The following NFAM1 variants were observed in gnomAD, a reference collection of about 807,000 sequenced individuals.
The protein encoded by NFAM1 is NFAT activation molecule 1.
NFAM1 carries 17 observed loss-of-function variants against 29.0 expected under a neutral mutation model. That is an observed-to-expected ratio of 0.59 (90% confidence interval 0.40 to 0.88). The LOEUF is 0.88. Among genes scored for constraint, NFAM1 ranks in the 40% least tolerant of loss-of-function variants. NFAM1 has a pLI of 0.00. For missense variants in NFAM1, 324 were observed against 344.6 expected (o/e 0.94, Z 0.47); for synonymous variants, 175 against 147.2 (o/e 1.19, Z -1.36).
At chr22:42,414,679 C>A (rs574502054) in intron 1 of NFAM1, among the ~76,000 whole-genome samples, 11 of 152,046 alleles carry the variant, frequency 7.2e-5, no homozygotes, top group African/African-American at 9.6e-5. Flanking sequence ...GCCACTGCCC[C>A]CTCTGTGTAC....
Position 42,385,027 on chromosome 22 carries a change from G to T in NFAM1, c.*134C>A. On this transcript the variant is annotated 3_prime_UTR_variant, in exon 6 of 6. Coordinates refer to ENST00000329021, the MANE Select transcript of NFAM1 (RefSeq NM_145912.8). ...GCAGTGGGGCCGGCCAAGACAGGAAGGGCCTTGAATGTGAGGGTGAAATGA... is the reference window on the plus strand; with the variant it reads ...GCAGTGGGGCCGGCCAAGACAGGAATGGCCTTGAATGTGAGGGTGAAATGA... The T allele has an allele frequency of 1.3e-6, 1 of 745,940 alleles. No individual in the cohort carries two copies. Among genetic ancestry groups the T allele is most frequent in the Non-Finnish European group, 2.4e-6 (1 of 411,700 alleles). 46.2% of individuals were successfully genotyped at this position (745,940 alleles called of 1,614,324 possible). A position where few individuals can be genotyped will look rare whatever the true frequency, so the allele number is the denominator to read the frequency against.
chr22:42,387,098 A>G lies in NFAM1; in HGVS notation c.664-20T>C. On this transcript the variant is annotated intron_variant, in intron 4 of 5. Transcript: ENST00000329021. Reference sequence around the variant, plus strand: ...CAGAGCCTACAGGAAACGGGGTGCCAGGATCAGGGGCAAGTGTGTAGAGGG... The same window carrying G: ...CAGAGCCTACAGGAAACGGGGTGCCGGGATCAGGGGCAAGTGTGTAGAGGG... The G allele has an allele frequency of 3.4e-6, 5 of 1,474,134 alleles. No individual in the cohort carries two copies. Among genetic ancestry groups the G allele is most frequent in the Non-Finnish European group, 4.7e-6 (5 of 1,072,006 alleles). The allele number at this position is 1,474,134 out of a possible 1,614,324, so 91.3% of individuals were successfully genotyped here. A position where few individuals can be genotyped will look rare whatever the true frequency, so the allele number is the denominator to read the frequency against.
intron 1 of NFAM1, among the ~76,000 whole-genome samples, chr22:42,421,964 A>G (rs535884597): frequency 9.2e-5 from 14 of 152,362 alleles, no homozygotes; most frequent in Admixed American, 3.9e-4. Flanking sequence ...ATCAAATGCA[A>G]AAGCGTGTGG....
At chr22:42,414,780 G>A (rs1032920081) in intron 1 of NFAM1, among the ~76,000 whole-genome samples, 1 of 152,022 alleles carries the variant, frequency 6.6e-6, no homozygotes. Context: ...GCCACTCCAG[G>A]GGGAGGGCAG....
At chr22:42,395,291 TGGCA>T (rs1929482745) in intron 4 of NFAM1, among the ~76,000 whole-genome samples, 1 of 151,462 alleles carries the variant, frequency 6.6e-6, no homozygotes, top group Non-Finnish European at 1.5e-5. Flanking sequence ...CTGGCCAACA[TGGCA>T]AAACCCCATT....
At position 42,421,883 on chromosome 22, in the gene NFAM1, C is replaced by G. The variant is rs1247981124; in HGVS notation, c.122-10147G>C. Among the ~76,000 whole-genome samples the G allele has an allele frequency of 6.1e-5, 4 of 65,322 alleles. No homozygotes were observed. In the East Asian group the frequency reaches 1.2e-3, roughly 19 times the overall value. The allele number at this position is 65,322 out of a possible 152,430, so 42.9% of individuals were successfully genotyped here. On this transcript the variant is annotated intron_variant, in intron 1 of 5. Transcript: ENST00000329021. Reference sequence around the variant, plus strand: ...TCTGAAAGGCTGCGATCGGGGCTCTCAGAGCCCCAGCCATGTGCCTGAGCA... The same window carrying G: ...TCTGAAAGGCTGCGATCGGGGCTCTGAGAGCCCCAGCCATGTGCCTGAGCA...
chr22:42,382,435 G>A lies in NFAM1; in HGVS notation c.*2726C>T, dbSNP rs1370840518. 4 of 152,154 alleles carry A rather than the reference G, an allele frequency of 2.6e-5. No homozygotes were observed. The highest frequency in any genetic ancestry group is 9.7e-5 in the African/African-American group (4 of 41,412). The allele number at this position is 152,154 out of a possible 1,614,324, so 9.4% of individuals were successfully genotyped here. On this transcript the variant is annotated 3_prime_UTR_variant, in exon 6 of 6. Transcript: ENST00000329021. ...CAAGTCCACAAGGCTGTGGGAGGTG[G>A]AGCAGGGATTCAAGGGAGGCCCTGA...
In NFAM1 at chr22:42,420,501, C is replaced by T. The variant is rs151068787; in HGVS notation, c.122-8765G>A. Among the ~76,000 whole-genome samples the T allele has an allele frequency of 5.6e-3, 850 of 151,708 alleles. 17 individuals carry two copies. In the East Asian group the frequency reaches 0.071, roughly 13 times the overall value. ...AACAAACAGGCTGGGTGCAGTGGGT[C>T]ACGCCTGTAATCCCAGCACTTTGGG... On this transcript the variant is annotated intron_variant, in intron 1 of 5. Coordinates refer to ENST00000329021, the MANE Select transcript of NFAM1 (RefSeq NM_145912.8).
chr22:42,424,420 AG>A (rs144816117), intron 1 of NFAM1, among the ~76,000 whole-genome samples: 6,767 of 151,968 alleles, frequency 0.045, 191 homozygotes, highest in African/African-American at 0.062. Context: ...GTCTCAAAAA[AG>A]AAACAAAAAA....
intron 3 of NFAM1, among the ~76,000 whole-genome samples, chr22:42,408,951 G>A (rs1929987671): frequency 1.3e-5 from 2 of 152,212 alleles, no homozygotes; most frequent in Non-Finnish European, 2.9e-5. Flanking sequence ...TCGTCATGGA[G>A]CTATGCTGGA....
intron 5 of NFAM1, among the ~76,000 whole-genome samples, chr22:42,385,945 C>T (rs1424539232): frequency 6.6e-6 from 1 of 152,218 alleles, no homozygotes; most frequent in African/African-American, 2.4e-5. Flanking sequence ...TCTGGCTGAA[C>T]AACGCCTCAC....
chr22:42,414,895 G>T (rs1223183538), intron 1 of NFAM1, among the ~76,000 whole-genome samples: 1 of 152,166 alleles, frequency 6.6e-6, no homozygotes, highest in Non-Finnish European at 1.5e-5. Context: ...TCTAGAAAAT[G>T]ATGAACTCTG....
Position 42,381,151 on chromosome 22 carries a change from C to G in NFAM1, c.*4010G>C, listed in dbSNP as rs1928932948. On this transcript the variant is annotated 3_prime_UTR_variant, in exon 6 of 6. Coordinates refer to ENST00000329021, the MANE Select transcript of NFAM1 (RefSeq NM_145912.8). The stretch of plus-strand genomic sequence containing the variant: ...TCTGCTAGGGTGGCACCAGACTTCC[C>G]TGGTCCCACAGGACAGCCAGTGGCC... 6.5e-6 allele frequency: 1 copy of G among 152,708 alleles called. No individual in the cohort carries two copies. Among genetic ancestry groups the G allele is most frequent in the Non-Finnish European group, 1.5e-5 (1 of 68,056 alleles). 9.5% of individuals were successfully genotyped at this position (152,708 alleles called of 1,614,324 possible).
At chr22:42,410,785 C>T (rs1930056752) in intron 2 of NFAM1, among the ~76,000 whole-genome samples, 1 of 152,162 alleles carries the variant, frequency 6.6e-6, no homozygotes, top group African/African-American at 2.4e-5. Context: ...ATACCTAGTT[C>T]TGCAGAAGTT....
chr22:42,399,753 T>C (rs1351629559), intron 3 of NFAM1, among the ~76,000 whole-genome samples: 1 of 152,100 alleles, frequency 6.6e-6, no homozygotes, highest in Admixed American at 6.5e-5. Context: ...TCCCCCCTCA[T>C]TGCAGGCACC....
At position 42,381,997 on chromosome 22, in the gene NFAM1, A is replaced by G. The variant is rs775179480; in HGVS notation, c.*3164T>C. 4.6e-5 allele frequency: 7 copies of G among 152,458 alleles called. No individual in the cohort carries two copies. The highest frequency in any genetic ancestry group is 8.8e-5 in the Non-Finnish European group (6 of 68,290). 9.4% of individuals were successfully genotyped at this position (152,458 alleles called of 1,614,324 possible). A position where few individuals can be genotyped will look rare whatever the true frequency, so the allele number is the denominator to read the frequency against. On this transcript the variant is annotated 3_prime_UTR_variant, in exon 6 of 6. Transcript: ENST00000329021. ...CGAGTCTTGAAGGAAATGCACACCC[A>G]CTGAGCTTCTGCCTGAGCCAGGGAG...
Position 42,411,640 on chromosome 22 carries a change from G to A in NFAM1, c.218C>T (p.Pro73Leu). ...GCTGACTGTGAAAACCTTGAATTGG[G>A]GAGTGTATGGATAGGTGATCCTGCA... ...FSCRITYPYT[P>L]QFKVFTVSYF... Residue 73 changes from proline (P) to leucine (L), a missense_variant, in exon 2 of 6, where the codon CCC becomes CTC. Coordinates refer to ENST00000329021, the MANE Select transcript of NFAM1 (RefSeq NM_145912.8). 1 of 1,614,022 alleles carries A rather than the reference G, an allele frequency of 6.2e-7. No individual in the cohort carries two copies.
rs1471696692 is a variant in NFAM1 at position 42,385,347 on chromosome 22, G to A, written c.754-127C>T. On this transcript the variant is annotated intron_variant, in intron 5 of 5. Transcript: ENST00000329021. ...ACTTCCTGTGTAGCTTTGATGGGGG[G>A]CCTGCCCTCTGTCTCCAAGCCCACC... The A allele has an allele frequency of 8.3e-6, 6 of 720,634 alleles. No homozygotes were observed. The East Asian group carries it at 1.3e-4, about 16-fold the overall frequency. The allele number at this position is 720,634 out of a possible 1,614,324, so 44.6% of individuals were successfully genotyped here.
At chr22:42,427,537 C>T (rs1322007182) in intron 1 of NFAM1, among the ~76,000 whole-genome samples, 1 of 152,172 alleles carries the variant, frequency 6.6e-6, no homozygotes, top group Non-Finnish European at 1.5e-5. Context: ...CCGCACAGTA[C>T]CTTTTGATTT....
Sources: allele counts gnomAD v4.1 joint callset (sites outside exome capture counted in the v4.1 genomes callset), GRCh38; gene constraint gnomAD v4.1.1; transcripts MANE v1.5; gene names NCBI Gene and HGNC (gene_info 2026-07-23, HGNC 2026-07-21).